The following TRIM71 variants were observed in gnomAD, a reference collection of about 807,000 sequenced individuals.
TRIM71 encodes E3 ubiquitin-protein ligase TRIM71.
TRIM71 carries 9 observed loss-of-function variants against 61.2 expected under a neutral mutation model. The observed-to-expected ratio is 0.15, with a 90% CI of 0.09 to 0.26. The LOEUF (loss-of-function observed/expected upper bound fraction) is 0.26, where lower values mean the gene tolerates loss of function less well. Ranked by LOEUF, TRIM71 falls within the 10% of genes least tolerant of loss-of-function variation. The pLI is 1.00. For missense variants in TRIM71, 998 were observed against 1,238.7 expected (o/e 0.81, Z 2.92); for synonymous variants, 645 against 553.2 (o/e 1.17, Z -2.33).
chr3:32,848,503 G>A (rs6550165), intron 1 of TRIM71, among the ~76,000 whole-genome samples: 104,128 of 152,100 alleles, frequency 0.68, 37,469 homozygotes, highest in East Asian at 0.85. Flanking sequence ...GGTTCCCTCC[G>A]AAGAAATAAG....
At chr3:32,861,840 C>T (rs1011333107) in intron 1 of TRIM71, among the ~76,000 whole-genome samples, 1 of 152,096 alleles carries the variant, frequency 6.6e-6, no homozygotes. Flanking sequence ...CTCCGTAATT[C>T]ACAGACATGC....
rs1007049847 is a variant in TRIM71, at chr3:32,874,136, T to C, written c.1020+151T>C. On this transcript the variant is annotated intron_variant, in intron 2 of 3. Transcript: ENST00000383763. ...GTGACATCCCTGCAGCAGCGGTCCC[T>C]TTAGGGGTTCTGGCAGTCTCGTGAA... is the stretch of plus-strand genomic sequence containing the variant. The C allele has an allele frequency of 1.7e-4, 132 of 770,430 alleles. 1 individual carries two copies. The highest frequency in any genetic ancestry group is 3.9e-4 in the Middle Eastern group (1 of 2,568). The allele number at this position is 770,430 out of a possible 1,614,324, so 47.7% of individuals were successfully genotyped here.
intron 1 of TRIM71, among the ~76,000 whole-genome samples, chr3:32,865,842 T>A: frequency 1.6e-5 from 1 of 62,104 alleles, no homozygotes; most frequent in Non-Finnish European, 3.3e-5. Context: ...TTTTTTTTTT[T>A]TAAGACAGAG....
At chr3:32,828,502 CTTTTTTTTTT>C (rs67014189) in intron 1 of TRIM71, among the ~76,000 whole-genome samples, 7 of 93,248 alleles carry the variant, frequency 7.5e-5, no homozygotes, top group Admixed American at 1.5e-4. Flanking sequence ...CAATTGTAAA[CTTTTTTTTTT>C]TTTTTTTTTT....
chr3:32,886,407 A>G (rs1334232589), intron 3 of TRIM71, among the ~76,000 whole-genome samples: 4 of 152,116 alleles, frequency 2.6e-5, no homozygotes, highest in South Asian at 2.1e-4. Flanking sequence ...AAACATCCCT[A>G]TTTTTGGTGA....
intron 1 of TRIM71, among the ~76,000 whole-genome samples, chr3:32,862,768 T>A (rs73044182): frequency 2.0e-5 from 3 of 152,348 alleles, no homozygotes; most frequent in Non-Finnish European, 4.4e-5. Context: ...GGCCACTCAT[T>A]AATACATCAG....
intron 1 of TRIM71, among the ~76,000 whole-genome samples, chr3:32,831,225 G>A (rs984525011): frequency 2.0e-5 from 3 of 152,098 alleles, no homozygotes; most frequent in Non-Finnish European, 4.4e-5. Context: ...GTATAGGTAA[G>A]ACCATGAGCT....
chr3:32,882,547 TTA>T (rs1696920598), intron 2 of TRIM71, among the ~76,000 whole-genome samples: 1 of 152,040 alleles, frequency 6.6e-6, no homozygotes, highest in Admixed American at 6.6e-5. Context: ...TATTATCATA[TTA>T]TATATTTGTT....
intron 1 of TRIM71, among the ~76,000 whole-genome samples, chr3:32,843,380 C>T (rs1696433529): frequency 1.3e-5 from 2 of 152,294 alleles, no homozygotes; most frequent in Admixed American, 6.5e-5. Context: ...AGCAGTAACT[C>T]CCCAGTAAGC....
intron 2 of TRIM71, among the ~76,000 whole-genome samples, chr3:32,884,172 A>G (rs984759279): frequency 2.0e-5 from 3 of 152,140 alleles, no homozygotes; most frequent in Non-Finnish European, 4.4e-5. Flanking sequence ...GCTGGTCTTA[A>G]ACTCCTGAGC....
chr3:32,824,721 C>T (rs894484790), intron 1 of TRIM71, among the ~76,000 whole-genome samples: 3 of 152,014 alleles, frequency 2.0e-5, no homozygotes, highest in Non-Finnish European at 4.4e-5. Context: ...CAAGGTCAAG[C>T]GACCTGCCTA....
chr3:32,890,612 C>A lies in TRIM71; in HGVS notation c.1408C>A (p.Leu470Ile), dbSNP rs751921502. The change falls in exon 4 of 4, where the codon CTT becomes ATT. Residue 470 changes from leucine (L) to isoleucine (I), a missense_variant. Leu to Ile is a conservative substitution (Grantham distance 5). Transcript: ENST00000383763. The surrounding 1 kb of genome is among the most constrained non-coding windows in gnomAD (Gnocchi z 6.2). ...CACACCCCCCGATCAGGCACTGTAC[C>A]TTGCCATCAAGTCTTTTGGCTTTGT... ...MFTPPDQALY[L>I]AIKSFGFVSS... 3 of 1,613,962 alleles carry A rather than the reference C, an allele frequency of 1.9e-6. No homozygotes were observed. Among genetic ancestry groups the A allele is most frequent in the Non-Finnish European group, 2.5e-6 (3 of 1,180,040 alleles).
Position 32,818,020 on chromosome 3 carries a change from T to C in TRIM71, c.-61T>C. On this transcript the variant is annotated 5_prime_UTR_variant, in exon 1 of 4. Coordinates refer to ENST00000383763, the MANE Select transcript of TRIM71 (RefSeq NM_001039111.3). ...TGACTCCCCCACCCACCTCGTCCGC[T>C]CTCTCCTCCTCCTCCTCCTCTTCCT... 6.5e-7 allele frequency: 1 copy of C among 1,527,580 alleles called. No homozygotes were observed. The highest frequency in any genetic ancestry group is 9.0e-7 in the Non-Finnish European group (1 of 1,110,524). 94.6% of individuals were successfully genotyped at this position (1,527,580 alleles called of 1,614,324 possible).
intron 1 of TRIM71, among the ~76,000 whole-genome samples, chr3:32,854,379 T>C (rs776275265): frequency 1.3e-5 from 2 of 152,190 alleles, no homozygotes; most frequent in Non-Finnish European, 2.9e-5. Flanking sequence ...CATGGACATA[T>C]ACATGTAAAG....
intron 1 of TRIM71, among the ~76,000 whole-genome samples, chr3:32,846,831 CCA>C (rs1481600397): frequency 6.6e-6 from 1 of 152,160 alleles, no homozygotes; most frequent in Non-Finnish European, 1.5e-5. Flanking sequence ...ATAATAACCT[CCA>C]GTTTCATCCC....
chr3:32,852,035 C>G (rs1696544083), intron 1 of TRIM71, among the ~76,000 whole-genome samples: 1 of 152,170 alleles, frequency 6.6e-6, no homozygotes, highest in Non-Finnish European at 1.5e-5. Context: ...ACCCAAAACC[C>G]TCTGGAGCGT....
Position 32,890,228 on chromosome 3 carries a change from A to C in TRIM71, c.1156-132A>C. The stretch of plus-strand genomic sequence containing the variant: ...TTTTGCTGCTTTTGAAGAAAGACAG[A>C]TGTCTTTTGTAGACCATCCCACAAT... On this transcript the variant is annotated intron_variant, in intron 3 of 3. Transcript: ENST00000383763. This position sits in a 1 kb window ranked among gnomAD's most constrained non-coding sequence, Gnocchi z 6.2. The C allele has an allele frequency of 8.1e-7, 1 of 1,233,414 alleles. No individual in the cohort carries two copies. Among genetic ancestry groups the C allele is most frequent in the Non-Finnish European group, 1.1e-6 (1 of 890,788 alleles). 76.4% of individuals were successfully genotyped at this position (1,233,414 alleles called of 1,614,324 possible). A position where few individuals can be genotyped will look rare whatever the true frequency, so the allele number is the denominator to read the frequency against.
chr3:32,841,213 C>A lies in TRIM71; in HGVS notation c.852+22281C>A, dbSNP rs575274477. Among the ~76,000 whole-genome samples, 17 of 152,226 alleles carry A rather than the reference C, an allele frequency of 1.1e-4. No individual in the cohort carries two copies. In the South Asian group the frequency reaches 3.3e-3, roughly 30 times the overall value. On this transcript the variant is annotated intron_variant, in intron 1 of 3. Transcript: ENST00000383763. ...TGAGCTGAGATCGCGCCACTGCACTCCAGCCTGGGCGACAGAGCGAGACTC... is the reference window on the plus strand; with the variant it reads ...TGAGCTGAGATCGCGCCACTGCACTACAGCCTGGGCGACAGAGCGAGACTC...
chr3:32,860,261 C>A (rs988460133), intron 1 of TRIM71, among the ~76,000 whole-genome samples: 4 of 151,828 alleles, frequency 2.6e-5, no homozygotes, highest in Non-Finnish European at 5.9e-5. Flanking sequence ...CGGGTTCAAG[C>A]AATTCTCCTG....
Sources: allele counts gnomAD v4.1 joint callset (sites outside exome capture counted in the v4.1 genomes callset), GRCh38; gene constraint gnomAD v4.1.1; non-coding constraint Gnocchi (gnomAD v3.1); transcripts MANE v1.5; gene names NCBI Gene and HGNC (gene_info 2026-07-23, HGNC 2026-07-21).